Variants in PIK3CA observed in about 807,000 individuals in gnomAD.
PIK3CA encodes the protein phosphatidylinositol-4,5-bisphosphate 3-kinase catalytic subunit alpha.
A neutral mutation model predicts 138.2 loss-of-function variants in PIK3CA; 27 were observed. The observed-to-expected ratio is 0.20, with a 90% CI of 0.14 to 0.27. The LOEUF is 0.27. PIK3CA is among the 10% of genes least tolerant of loss of function. The probability of loss-of-function intolerance (pLI) is 1.00; values close to 1 mark genes in which losing one functional copy is unlikely to be tolerated. For synonymous variants in PIK3CA, 358 were observed against 413.2 expected (o/e 0.87, Z 1.62); for missense variants, 544 against 1,277.4 (o/e 0.43, Z 8.75).
At chr3:179,214,749 A>G (rs1311182556) in intron 9 of PIK3CA, among the ~76,000 whole-genome samples, 2 of 144,444 alleles carry the variant, frequency 1.4e-5, no homozygotes, top group African/African-American at 2.7e-5. Context: ...ACAATAATAC[A>G]GGGTACACCT....
intron 6 of PIK3CA, among the ~76,000 whole-genome samples, 156 bp downstream of exon 6, chr3:179,204,744 A>G (rs938096204): frequency 1.3e-5 from 2 of 151,924 alleles, no homozygotes; most frequent in African/African-American, 4.8e-5. Flanking sequence ...GGCACTGGCC[A>G]GGCACGGTGG....
intron 9 of PIK3CA, among the ~76,000 whole-genome samples, chr3:179,212,937 T>G (rs3975513): frequency 0.26 from 38,982 of 152,052 alleles, 5,926 homozygotes; most frequent in African/African-American, 0.42. Context: ...TCTACAGTAG[T>G]CATTTGTAGT....
At chr3:179,185,039 A>G (rs1723941591) in intron 1 of PIK3CA, among the ~76,000 whole-genome samples, 2 of 152,204 alleles carry the variant, frequency 1.3e-5, no homozygotes, top group Non-Finnish European at 2.9e-5. Context: ...ATGAAGAAAG[A>G]CTGTGGGAAC....
chr3:179,186,244 T>G (rs776420907), intron 1 of PIK3CA, among the ~76,000 whole-genome samples: 5 of 152,250 alleles, frequency 3.3e-5, no homozygotes, highest in Non-Finnish European at 7.3e-5. Context: ...TTAATTTAAT[T>G]AAGATGTTAA....
In PIK3CA at chr3:179,239,487, TTTAAC is replaced by T. The variant is rs1725397885; in HGVS notation, c.*5127_*5131del. On this transcript the variant is annotated 3_prime_UTR_variant, in exon 21 of 21. Transcript: ENST00000263967. ...TCATTTTTAAAAGTCCCTTGTTCAA[TTTAAC>T]TTATGTTCCTAAGAGAGGTTGGAGA... The T allele has an allele frequency of 1.9e-5, 4 of 208,072 alleles. No homozygotes were observed. Among genetic ancestry groups the T allele is most frequent in the Admixed American group, 5.9e-5 (1 of 16,940 alleles). The allele number at this position is 208,072 out of a possible 1,614,324, so 12.9% of individuals were successfully genotyped here. A position where few individuals can be genotyped will look rare whatever the true frequency, so the allele number is the denominator to read the frequency against.
At chr3:179,205,020 C>CAAAAAAAAAAAAAAA (rs574908621) in intron 6 of PIK3CA, among the ~76,000 whole-genome samples, 16 of 53,350 alleles carry the variant, frequency 3.0e-4, no homozygotes, top group Non-Finnish European at 3.8e-4. Flanking sequence ...GACTCCGTCT[C>CAAAAAAAAAAAAAAA]AAAAAAAAAA....
intron 1 of PIK3CA, among the ~76,000 whole-genome samples, chr3:179,177,095 C>T (rs766681905): frequency 6.6e-6 from 1 of 151,928 alleles, no homozygotes; most frequent in Admixed American, 6.6e-5. Flanking sequence ...GTATTTATAG[C>T]CTTTTAAAAT....
chr3:179,186,881 C>CA (rs2108375255), intron 1 of PIK3CA, among the ~76,000 whole-genome samples: 1 of 152,254 alleles, frequency 6.6e-6, no homozygotes, highest in East Asian at 1.9e-4. Context: ...GTTAAATTTT[C>CA]ATTGAGGCAA....
intron 1 of PIK3CA, among the ~76,000 whole-genome samples, chr3:179,192,741 CA>C (rs148384547): frequency 0.016 from 2,434 of 152,288 alleles, 91 homozygotes; most frequent in South Asian, 0.13. Flanking sequence ...ACCTGTGTTC[CA>C]ATAAAACTTT....
At chr3:179,170,117 G>T (rs899149631) in intron 1 of PIK3CA, among the ~76,000 whole-genome samples, 24 of 151,798 alleles carry the variant, frequency 1.6e-4, no homozygotes, top group African/African-American at 5.8e-4. Flanking sequence ...GTAAAATAGG[G>T]ATAGAAAGCT....
chr3:179,196,239 C>T (rs1481928718), intron 1 of PIK3CA, among the ~76,000 whole-genome samples: 1 of 152,144 alleles, frequency 6.6e-6, no homozygotes, highest in Non-Finnish European at 1.5e-5. Context: ...CCTGTCAGTG[C>T]CATTCAGCAG....
intron 1 of PIK3CA, among the ~76,000 whole-genome samples, chr3:179,192,134 T>C (rs956021196): frequency 1.3e-5 from 2 of 152,206 alleles, no homozygotes; most frequent in Non-Finnish European, 2.9e-5. Flanking sequence ...CAGAATATTG[T>C]AGTAGATTTT....
chr3:179,182,499 C>G (rs1467938894), intron 1 of PIK3CA, among the ~76,000 whole-genome samples: 1 of 151,972 alleles, frequency 6.6e-6, no homozygotes, highest in African/African-American at 2.4e-5. Context: ...GAGACCCCAT[C>G]TCTGCATTAA....
intron 1 of PIK3CA, among the ~76,000 whole-genome samples, chr3:179,173,402 T>TA (rs1723610772): frequency 1.7e-4 from 4 of 23,294 alleles, no homozygotes; most frequent in South Asian, 1.4e-3. Context: ...CTGCTAAAAA[T>TA]ACAAAAAAAA....
chr3:179,152,740 C>A (rs1452102346), intron 1 of PIK3CA, among the ~76,000 whole-genome samples: 1 of 152,116 alleles, frequency 6.6e-6, no homozygotes, highest in African/African-American at 2.4e-5. Flanking sequence ...TTCCACTTTG[C>A]TGACTGTTAG....
At chr3:179,188,000 A>G (rs1219958000) in intron 1 of PIK3CA, among the ~76,000 whole-genome samples, 1 of 152,204 alleles carries the variant, frequency 6.6e-6, no homozygotes, top group East Asian at 1.9e-4. Context: ...TTTGCAAATA[A>G]GGAAACTGCC....
Position 179,194,719 on chromosome 3 carries a change from A to G in PIK3CA, c.-76-4031A>G, listed in dbSNP as rs530871188. Among the ~76,000 whole-genome samples, 5 of 151,406 alleles carry G rather than the reference A, an allele frequency of 3.3e-5. No individual in the cohort carries two copies. In the East Asian group the frequency reaches 7.8e-4, roughly 23 times the overall value. ...TCTTTCATGGTCTGACTTTATACAC[A>G]CTCTCTTGTGGCAACCTAGAACACC... On this transcript the variant is annotated intron_variant, in intron 1 of 20. Coordinates refer to ENST00000263967, the MANE Select transcript of PIK3CA (RefSeq NM_006218.4).
Position 179,198,845 on chromosome 3 carries a change from C to A in PIK3CA, c.20C>A (p.Ser7Ter). The A allele has an allele frequency of 6.4e-7, 1 of 1,553,784 alleles. No individual in the cohort carries two copies. The stretch of plus-strand genomic sequence containing the variant: ...AGAACAATGCCTCCACGACCATCAT[C>A]AGGTGAACTGTGGGGCATCCACTTG... Reference protein sequence around the residue: MPPRPSSGELWGIHLMP... With the variant: MPPRPS The change falls in exon 2 of 21, where the codon TCA (serine) becomes TAA (stop). Residue 7 changes from serine to a stop codon, truncating the protein, a stop_gained. Coordinates refer to ENST00000263967, the MANE Select transcript of PIK3CA (RefSeq NM_006218.4). LOFTEE classifies it high-confidence loss of function.
At position 179,230,364 on chromosome 3, in the gene PIK3CA, G is replaced by T; in HGVS notation, c.2924G>T (p.Arg975Ile). 6.3e-7 allele frequency: 1 copy of T among 1,598,256 alleles called. No homozygotes were observed. The highest frequency in any genetic ancestry group is 1.1e-5 in the South Asian group (1 of 87,738). ...GGAGCCCAAGAATGCACAAAGACAA[G>T]AGAATTTGAGAGGTGAGCTCGAGCA... ...SKGAQECTKTREFERFQEMCY... is the reference protein window; with the variant it reads ...SKGAQECTKTIEFERFQEMCY... The change falls in exon 20 of 21, where the codon AGA (arginine) becomes ATA (isoleucine). Residue 975 changes from arginine to isoleucine, a missense_variant. Physicochemically the swap from Arg to Ile is moderately conservative, Grantham distance 97. Around this residue, in one of 14 missense-constraint regions of PIK3CA, gnomAD observed 72 missense variants for 271.8 expected, o/e 0.26. Transcript: ENST00000263967. The surrounding 1 kb of genome is among the most constrained non-coding windows in gnomAD (Gnocchi z 5.4).
Sources: allele counts gnomAD v4.1 joint callset (sites outside exome capture counted in the v4.1 genomes callset), GRCh38; gene constraint gnomAD v4.1.1; regional missense constraint gnomAD v4.1.1; non-coding constraint Gnocchi (gnomAD v3.1); transcripts MANE v1.5; gene names NCBI Gene and HGNC (gene_info 2026-07-23, HGNC 2026-07-21).